The following KCTD10 variants were observed in gnomAD, a reference collection of about 807,000 sequenced individuals.
KCTD10 encodes BTB/POZ domain-containing adapter for CUL3-mediated RhoA degradation protein 3.
Under a neutral mutation model 34.6 loss-of-function variants are expected in KCTD10, and 13 were observed. That is an observed-to-expected ratio of 0.38 (90% CI 0.24 to 0.60). KCTD10 has a LOEUF of 0.60. Among genes scored for constraint, KCTD10 ranks in the 20% least tolerant of loss-of-function variants. The pLI, the probability that KCTD10 is intolerant of heterozygous loss-of-function variation, is 0.66. For synonymous variants in KCTD10, 156 were observed against 168.8 expected (o/e 0.92, Z 0.59); for missense variants, 256 against 420.3 (o/e 0.61, Z 3.42).
intron 3 of KCTD10, chr12:109,459,515 T>C (rs1035747272): frequency 6.6e-6 from 1 of 152,264 alleles, no homozygotes; most frequent in Non-Finnish European, 1.5e-5. Context: ...CTTAAAGTTA[T>C]AGAAGAAAGA....
At chr12:109,472,175 A>AT (rs962546558) in intron 1 of KCTD10, among the ~76,000 whole-genome samples, 23 of 151,734 alleles carry the variant, frequency 1.5e-4, no homozygotes, top group African/African-American at 4.3e-4. Flanking sequence ...AAACTTTTTA[A>AT]TTTTTTTTTA....
intron 1 of KCTD10, chr12:109,470,707 A>C: frequency 2.1e-6 from 1 of 468,648 alleles, no homozygotes; most frequent in Non-Finnish European, 2.8e-6. Flanking sequence ...CGACAAGACA[A>C]AAACAGGACC....
Position 109,472,588 on chromosome 12 carries a change from C to G in KCTD10, c.4-2860G>C, listed in dbSNP as rs1873942445. Among the ~76,000 whole-genome samples the G allele has an allele frequency of 4.6e-5, 7 of 151,968 alleles. No individual in the cohort carries two copies. The South Asian group carries it at 1.5e-3, about 32-fold the overall frequency. ...ATACATTAACCAGTGATATATCTAT[C>G]AAGTTCATTACTATTATCGACTATT... On this transcript the variant is annotated intron_variant, in intron 1 of 6. Coordinates refer to ENST00000228495, the MANE Select transcript of KCTD10 (RefSeq NM_031954.5).
rs769697984 is a variant in KCTD10, at chr12:109,451,833, A to G, written c.724-20T>C. 6 of 1,589,394 alleles carry G rather than the reference A, an allele frequency of 3.8e-6. No homozygotes were observed. Among genetic ancestry groups the G allele is most frequent in the Non-Finnish European group, 5.2e-6 (6 of 1,163,076 alleles). On this transcript the variant is annotated intron_variant, in intron 6 of 6. Coordinates refer to ENST00000228495, the MANE Select transcript of KCTD10 (RefSeq NM_031954.5). The surrounding 1 kb of genome is among the most constrained non-coding windows in gnomAD (Gnocchi z 5.0). ...CTCCACCTGTGTTCCCACAGTATAC[A>G]GGGCAGGTAAGTTATGGCCCACCCC...
chr12:109,466,030 T>C (rs1454455896), intron 2 of KCTD10, among the ~76,000 whole-genome samples: 1 of 152,150 alleles, frequency 6.6e-6, no homozygotes, highest in East Asian at 1.9e-4. Flanking sequence ...CGTGGACCAA[T>C]GGCAATGCTG....
chr12:109,455,870 C>CA (rs994525375), intron 6 of KCTD10, among the ~76,000 whole-genome samples: 4 of 152,156 alleles, frequency 2.6e-5, no homozygotes, highest in African/African-American at 9.7e-5. Context: ...CCCCAGAGTC[C>CA]AGCCCAGTCA....
rs931892172 is a variant in KCTD10 at position 109,450,481 on chromosome 12, C to G, written c.*1114G>C. ...TACCCGCACATCCTCAACCTGTTCA[C>G]TGCTGGCCACTCTACACTGTGTAAA... is the stretch of plus-strand genomic sequence containing the variant. On this transcript the variant is annotated 3_prime_UTR_variant, in exon 7 of 7. Coordinates refer to ENST00000228495, the MANE Select transcript of KCTD10 (RefSeq NM_031954.5). The G allele has an allele frequency of 5.0e-6, 2 of 398,652 alleles. No individual in the cohort carries two copies. The highest frequency in any genetic ancestry group is 4.1e-5 in the African/African-American group (2 of 48,632). 24.7% of individuals were successfully genotyped at this position (398,652 alleles called of 1,614,324 possible).
At chr12:109,467,563 C>A (rs6606725) in intron 2 of KCTD10, among the ~76,000 whole-genome samples, 78,298 of 151,922 alleles carry the variant, frequency 0.52, 21,489 homozygotes, top group African/African-American at 0.71. Flanking sequence ...TGGAGGCTGC[C>A]GTGAGCTATG....
rs772308812 is a variant in KCTD10, at chr12:109,469,655, C to G, written c.77G>C (p.Gly26Ala). 1.9e-6 allele frequency: 3 copies of G among 1,614,096 alleles called. No homozygotes were observed. In the East Asian group the frequency reaches 6.7e-5, roughly 36 times the overall value. ...AAATRTTSFK[G>A]TSPSSKYVKL... ...CACGTATTTGGAGCTGGGGCTCGTG[C>G]CCTTGAAGGAAGTGGTGCGGGTAGC... is the stretch of plus-strand genomic sequence containing the variant. The change falls in exon 2 of 7, where the codon GGC becomes GCC. Residue 26 changes from glycine (G) to alanine (A), a missense_variant. This residue lies in a region of KCTD10 where 155 missense variants were observed against 207.0 expected (regional missense o/e 0.75). Transcript: ENST00000228495.
intron 1 of KCTD10, chr12:109,471,235 A>C: frequency 3.0e-6 from 3 of 985,430 alleles, no homozygotes; most frequent in Non-Finnish European, 3.6e-6. Flanking sequence ...GACTGGGAGT[A>C]AAGGGAGGCA....
chr12:109,457,566 C>T lies in KCTD10; in HGVS notation c.527+64G>A, dbSNP rs75525576. The T allele has an allele frequency of 6.0e-3, 8,519 of 1,427,668 alleles. 54 individuals are homozygous for T. The highest frequency in any genetic ancestry group is 0.038 in the Middle Eastern group (215 of 5,676). The allele number at this position is 1,427,668 out of a possible 1,614,324, so 88.4% of individuals were successfully genotyped here. ...TCTGAAGGTACGAAGAAGAGCTGGG[C>T]CTGGCTGGTGTGAGTGGAGGTTTTC... is the stretch of plus-strand genomic sequence containing the variant. On this transcript the variant is annotated intron_variant, in intron 5 of 6. Transcript: ENST00000228495.
Position 109,451,825 on chromosome 12 carries a change from C to G in KCTD10, c.724-12G>C. 1 of 1,610,384 alleles carries G rather than the reference C, an allele frequency of 6.2e-7. No individual in the cohort carries two copies. Among genetic ancestry groups the G allele is most frequent in the Non-Finnish European group, 8.5e-7 (1 of 1,177,844 alleles). ...TCGGGAAACTCCACCTGTGTTCCCA[C>G]AGTATACAGGGCAGGTAAGTTATGG... is the stretch of plus-strand genomic sequence containing the variant. On this transcript the variant is annotated splice_polypyrimidine_tract_variant and intron_variant, in intron 6 of 6. Transcript: ENST00000228495. This position sits in a 1 kb window ranked among gnomAD's most constrained non-coding sequence, Gnocchi z 5.0.
Position 109,451,472 on chromosome 12 carries a change from G to T in KCTD10, c.*123C>A. ...CAATACCAAAATAATCATCTGGCTT[G>T]TTACAAAAGTATCTCCAGGCTCCAA... On this transcript the variant is annotated 3_prime_UTR_variant, in exon 7 of 7. Transcript: ENST00000228495. This position sits in a 1 kb window ranked among gnomAD's most constrained non-coding sequence, Gnocchi z 5.0. The T allele has an allele frequency of 4.3e-6, 4 of 925,050 alleles. No homozygotes were observed. The highest frequency in any genetic ancestry group is 6.4e-6 in the Non-Finnish European group (4 of 621,618). The allele number at this position is 925,050 out of a possible 1,614,324, so 57.3% of individuals were successfully genotyped here.
intron 2 of KCTD10, among the ~76,000 whole-genome samples, chr12:109,463,414 T>C (rs149300529): frequency 0.011 from 1,641 of 152,318 alleles, 125 homozygotes; most frequent in Admixed American, 0.1. Flanking sequence ...TTTAAGATAC[T>C]GTGGTTGCTT....
At chr12:109,467,685 C>T (rs916894646) in intron 2 of KCTD10, among the ~76,000 whole-genome samples, 1 of 152,050 alleles carries the variant, frequency 6.6e-6, no homozygotes, top group Non-Finnish European at 1.5e-5. Flanking sequence ...TGATATGAAG[C>T]AGGGGCTGAG....
intron 3 of KCTD10, chr12:109,459,136 G>C (rs909441234): frequency 1.3e-5 from 2 of 152,378 alleles, no homozygotes; most frequent in South Asian, 4.1e-4. Flanking sequence ...GAAACAAGAT[G>C]AGCACGCTGT....
At chr12:109,474,226 T>A (rs1385565455) in intron 1 of KCTD10, among the ~76,000 whole-genome samples, 1 of 152,184 alleles carries the variant, frequency 6.6e-6, no homozygotes, top group Non-Finnish European at 1.5e-5. Context: ...GGATCCTGCT[T>A]TTTGACTTGT....
chr12:109,454,261 CAGTA>C (rs1872914512), intron 6 of KCTD10, among the ~76,000 whole-genome samples: 1 of 152,198 alleles, frequency 6.6e-6, no homozygotes, highest in African/African-American at 2.4e-5. Flanking sequence ...TAACCTGTTC[CAGTA>C]AGTAAGGGCC....
intron 2 of KCTD10, among the ~76,000 whole-genome samples, chr12:109,462,585 G>A (rs931785516): frequency 6.6e-6 from 1 of 152,212 alleles, no homozygotes; most frequent in African/African-American, 2.4e-5. Flanking sequence ...TCCAGGGCCA[G>A]TAAGCACAAT....
Sources: allele counts gnomAD v4.1 joint callset (sites outside exome capture counted in the v4.1 genomes callset), GRCh38; gene constraint gnomAD v4.1.1; regional missense constraint gnomAD v4.1.1; non-coding constraint Gnocchi (gnomAD v3.1); transcripts MANE v1.5; gene names NCBI Gene and HGNC (gene_info 2026-07-23, HGNC 2026-07-21).